Variants in MNAT1 observed in about 807,000 individuals in gnomAD.
The protein encoded by MNAT1 is MNAT1 component of CDK activating kinase, also known as CDK-activating kinase assembly factor MAT1.
In MNAT1, 43 loss-of-function variants were observed where a neutral mutation model predicts 42.0. That is an observed-to-expected ratio of 1.02 (90% CI 0.80 to 1.32). The LOEUF (loss-of-function observed/expected upper bound fraction) is 1.32. MNAT1 is among the 40% of genes most tolerant of loss of function. The pLI is 0.00. For missense variants in MNAT1, 306 were observed against 350.4 expected (o/e 0.87, Z 1.01); for synonymous variants, 118 against 120.0 (o/e 0.98, Z 0.11).
intron 7 of MNAT1, among the ~76,000 whole-genome samples, chr14:60,887,414 A>G (rs1413990644): frequency 9.9e-6 from 1 of 100,906 alleles, no homozygotes; most frequent in East Asian, 3.2e-4. Flanking sequence ...AACAGTCCCC[A>G]GAGTGTGATG....
At chr14:60,802,022 C>T (rs892192963) in intron 3 of MNAT1, among the ~76,000 whole-genome samples, 1 of 152,050 alleles carries the variant, frequency 6.6e-6, no homozygotes, top group African/African-American at 2.4e-5. Flanking sequence ...AAGTCAGTCA[C>T]AGAAAGACAA....
At chr14:60,913,566 G>T (rs957421045) in intron 7 of MNAT1, among the ~76,000 whole-genome samples, 2 of 152,144 alleles carry the variant, frequency 1.3e-5, no homozygotes, top group Admixed American at 1.3e-4. Context: ...TCAGCTGCAG[G>T]TCTGTTGGAG....
chr14:60,844,055 A>G (rs1441292016), intron 6 of MNAT1, among the ~76,000 whole-genome samples: 1 of 152,096 alleles, frequency 6.6e-6, no homozygotes, highest in African/African-American at 2.4e-5. Context: ...TTGCTTTCAC[A>G]TATTTGGTGC....
At chr14:60,868,071 G>T (rs2034245661) in intron 6 of MNAT1, among the ~76,000 whole-genome samples, 1 of 151,834 alleles carries the variant, frequency 6.6e-6, no homozygotes, top group South Asian at 2.1e-4. Flanking sequence ...AAAATAAATT[G>T]AAAACAACTG....
At chr14:60,769,891 C>T (rs1297198963) in intron 1 of MNAT1, among the ~76,000 whole-genome samples, 1 of 152,086 alleles carries the variant, frequency 6.6e-6, no homozygotes, top group Non-Finnish European at 1.5e-5. Context: ...TCTTGAACTC[C>T]TGAGGTCAAG....
At chr14:60,793,928 T>C (rs1333880461) in intron 1 of MNAT1, among the ~76,000 whole-genome samples, 1 of 152,088 alleles carries the variant, frequency 6.6e-6, no homozygotes, top group Non-Finnish European at 1.5e-5. Flanking sequence ...CAATAAAAAA[T>C]TTTAATACTA....
At chr14:60,880,472 G>C (rs2149301) in intron 7 of MNAT1, among the ~76,000 whole-genome samples, 143,925 of 152,168 alleles carry the variant, frequency 0.95, 68,347 homozygotes, top group Non-Finnish European at 0.99. Flanking sequence ...TTCTTGGTCT[G>C]ATTTTAAAAT....
At chr14:60,916,339 A>G (rs1217896836) in intron 7 of MNAT1, among the ~76,000 whole-genome samples, 4 of 152,158 alleles carry the variant, frequency 2.6e-5, no homozygotes, top group Admixed American at 2.6e-4. Flanking sequence ...TAAAAAGTAA[A>G]CTCACCAAGG....
At chr14:60,885,218 A>G (rs1219927205) in intron 7 of MNAT1, among the ~76,000 whole-genome samples, 1 of 151,628 alleles carries the variant, frequency 6.6e-6, no homozygotes, top group Non-Finnish European at 1.5e-5. Flanking sequence ...ATAGTTGAAT[A>G]TTGATATATT....
chr14:60,739,388 AT>A lies in MNAT1; in HGVS notation c.89+4450del, dbSNP rs796592517. Among the ~76,000 whole-genome samples, 921 of 144,156 alleles carry A rather than the reference AT, an allele frequency of 6.4e-3. 5 individuals carry two copies. The highest frequency in any genetic ancestry group is 0.012 in the African/African-American group (490 of 39,578). The allele number at this position is 144,156 out of a possible 152,430, so 94.6% of individuals were successfully genotyped here. ...GGCTTCCGCAGGATTTTATTAACTT[AT>A]TTTTTTTTTTTTCATGTCCTCAAGT... On this transcript the variant is annotated intron_variant, in intron 1 of 7. Transcript: ENST00000261245.
chr14:60,785,712 A>C (rs1265707246), intron 1 of MNAT1, among the ~76,000 whole-genome samples: 1 of 152,182 alleles, frequency 6.6e-6, no homozygotes, highest in South Asian at 2.1e-4. Context: ...GCTAGTATCA[A>C]CTGTTTTTAA....
chr14:60,929,222 T>C (rs1422612675), intron 7 of MNAT1, among the ~76,000 whole-genome samples: 1 of 147,290 alleles, frequency 6.8e-6, no homozygotes, highest in Non-Finnish European at 1.5e-5. Context: ...AAATATGTTT[T>C]CCTAGAGTGT....
intron 7 of MNAT1, among the ~76,000 whole-genome samples, chr14:60,905,887 G>A (rs1001135960): frequency 6.6e-5 from 10 of 152,094 alleles, no homozygotes; most frequent in African/African-American, 1.9e-4. Flanking sequence ...CTTCACAGAC[G>A]CACCCAGAAA....
chr14:60,815,558 G>A (rs1413947162), intron 5 of MNAT1, among the ~76,000 whole-genome samples: 1 of 152,124 alleles, frequency 6.6e-6, no homozygotes, highest in African/African-American at 2.4e-5. Context: ...CTGCCTCATT[G>A]AGCTGCTATT....
At chr14:60,918,364 A>G (rs771515509) in intron 7 of MNAT1, among the ~76,000 whole-genome samples, 1 of 151,046 alleles carries the variant, frequency 6.6e-6, no homozygotes, top group Non-Finnish European at 1.5e-5. Context: ...GCCCGCAACC[A>G]TACCGGGCTA....
chr14:60,852,720 G>A (rs2033854613), intron 6 of MNAT1, among the ~76,000 whole-genome samples: 1 of 152,128 alleles, frequency 6.6e-6, no homozygotes, highest in Non-Finnish European at 1.5e-5. Context: ...GTTAATTTTT[G>A]TATAAGGTGT....
At chr14:60,828,524 C>T (rs2033120709) in intron 6 of MNAT1, among the ~76,000 whole-genome samples, 1 of 151,324 alleles carries the variant, frequency 6.6e-6, no homozygotes, top group Admixed American at 6.6e-5. Flanking sequence ...TTTTGGTCAC[C>T]AAAATGTGTT....
chr14:60,754,443 G>T (rs1399274837), intron 1 of MNAT1, among the ~76,000 whole-genome samples: 1 of 151,390 alleles, frequency 6.6e-6, no homozygotes, highest in Admixed American at 6.6e-5. Flanking sequence ...CGCCTCCCAG[G>T]TTCAAGCGAT....
chr14:60,932,659 A>G (rs977225708), intron 7 of MNAT1, among the ~76,000 whole-genome samples: 16 of 151,980 alleles, frequency 1.1e-4, no homozygotes, highest in African/African-American at 3.9e-4. Context: ...GCCAGGTAAG[A>G]ATTTTATTCT....
Sources: allele counts gnomAD v4.1 joint callset (sites outside exome capture counted in the v4.1 genomes callset), GRCh38; gene constraint gnomAD v4.1.1; transcripts MANE v1.5; gene names NCBI Gene and HGNC (gene_info 2026-07-23, HGNC 2026-07-21).